STIL: variants seen among roughly 807,000 people sequenced by gnomAD.
STIL encodes SCL-interrupting locus protein.
Under a neutral mutation model 110.1 loss-of-function variants are expected in STIL, and 55 were observed. That is an observed-to-expected ratio of 0.50 (90% CI 0.40 to 0.63). The LOEUF is 0.63. Among genes scored for constraint, STIL ranks in the 20% least tolerant of loss-of-function variants. The pLI is 0.00. For missense variants in STIL, 1,358 were observed against 1,530.0 expected (o/e 0.89, Z 1.87); for synonymous variants, 481 against 530.0 (o/e 0.91, Z 1.27).
rs965742432 is a variant in STIL at position 47,299,886 on chromosome 1, T to G, written c.701+19A>C. Reference sequence around the variant, plus strand: ...ATACTAATGCAACTAACATTTAGATTAATGTATCTTTTACTTACCCATATT... The same window carrying G: ...ATACTAATGCAACTAACATTTAGATGAATGTATCTTTTACTTACCCATATT... On this transcript the variant is annotated intron_variant, in intron 6 of 16. Coordinates refer to ENST00000371877, the MANE Select transcript of STIL (RefSeq NM_001048166.1). 6.2e-7 allele frequency: 1 copy of G among 1,605,936 alleles called. No individual in the cohort carries two copies. The highest frequency in any genetic ancestry group is 1.3e-5 in the African/African-American group (1 of 74,872).
At chr1:47,262,834 A>G (rs1644524210) in intron 15 of STIL, 69 bp downstream of exon 15, 2 of 1,453,400 alleles carry the variant, frequency 1.4e-6, no homozygotes, top group African/African-American at 1.4e-5. Flanking sequence ...AAACCTAGGA[A>G]AAGCTTAACT....
intron 8 of STIL, among the ~76,000 whole-genome samples, chr1:47,291,088 A>C (rs1283656018): frequency 6.6e-6 from 1 of 152,162 alleles, no homozygotes; most frequent in Non-Finnish European, 1.5e-5. Flanking sequence ...GGCCGGGTGC[A>C]GTGGCTCACG....
rs745550998 is a variant in STIL, at chr1:47,280,888, G to A, written c.1570C>T (p.Pro524Ser). The A allele has an allele frequency of 6.2e-7, 1 of 1,614,180 alleles. No homozygotes were observed. The highest frequency in any genetic ancestry group is 8.5e-7 in the Non-Finnish European group (1 of 1,180,030). ...GNPHTRNSIK[P>S]SSHNGPSHDI... is the part of the protein sequence containing the mutation. ...TGAGATGGCCCATTATGAGAAGATG[G>A]TTTAATACTGTTCCTGGTATGGGGG... The change falls in exon 12 of 17, where the codon CCA becomes TCA. Residue 524 changes from proline (P) to serine (S), a missense_variant. By Grantham distance (74) the Pro-to-Ser change is moderately conservative. Transcript: ENST00000371877.
chr1:47,273,052 T>C (rs1204195083), intron 12 of STIL, among the ~76,000 whole-genome samples: 1 of 152,172 alleles, frequency 6.6e-6, no homozygotes, highest in Non-Finnish European at 1.5e-5. Flanking sequence ...AGCAATCCTC[T>C]GAAGACTATA....
At position 47,280,439 on chromosome 1, in the gene STIL, A is replaced by C; in HGVS notation, c.2019T>G (p.Ser673Arg). The change falls in exon 12 of 17, where the codon AGT becomes AGG. Residue 673 changes from serine (S) to arginine (R), a missense_variant. Transcript: ENST00000371877. The part of the protein sequence containing the change: ...IALRPQGDMG[S>R]CSPHSNIEPS... ...GTTCAATATTGCTGTGGGGAGAACA[A>C]CTGCCCATATCTCCCTGAGGTCTCA... 1 of 1,614,268 alleles carries C rather than the reference A, an allele frequency of 6.2e-7. No homozygotes were observed.
At chr1:47,287,981 C>T (rs888352508) in intron 9 of STIL, among the ~76,000 whole-genome samples, 3 of 148,788 alleles carry the variant, frequency 2.0e-5, no homozygotes, top group Admixed American at 6.7e-5. Context: ...TTATAGCTTA[C>T]ATAACCTATA....
chr1:47,303,845 A>G (rs1032248534), intron 3 of STIL, among the ~76,000 whole-genome samples: 1 of 152,154 alleles, frequency 6.6e-6, no homozygotes, highest in Non-Finnish European at 1.5e-5. Context: ...ATCATCAAAT[A>G]CTACAAATTA....
In STIL at chr1:47,289,397, A is replaced by G. The variant is rs989445516; in HGVS notation, c.1023+38T>C. On this transcript the variant is annotated intron_variant, in intron 9 of 16. Transcript: ENST00000371877. ...TTAAACTGCCAAAGTGCAAAACCCT[A>G]AACAGTCACTAATGTACTAGACAAT... is the stretch of plus-strand genomic sequence containing the variant. 5 of 1,600,092 alleles carry G rather than the reference A, an allele frequency of 3.1e-6. No homozygotes were observed. In the African/African-American group the frequency reaches 6.7e-5, roughly 21 times the overall value.
chr1:47,254,180 CAAAAAAAAAAAAAA>C (rs59259774), intron 16 of STIL, among the ~76,000 whole-genome samples: 2 of 61,408 alleles, frequency 3.3e-5, no homozygotes, highest in Non-Finnish European at 5.8e-5. Flanking sequence ...GACTCTGTCT[CAAAAAAAAAAAAAA>C]AAAAAAAAAA....
At chr1:47,278,681 A>G (rs1236257310) in intron 12 of STIL, among the ~76,000 whole-genome samples, 1 of 152,138 alleles carries the variant, frequency 6.6e-6, no homozygotes, top group Non-Finnish European at 1.5e-5. Flanking sequence ...TATATTTTAC[A>G]TTATGTGGGA....
At position 47,310,328 on chromosome 1, in the gene STIL, G is replaced by T; in HGVS notation, c.-9C>A. The T allele has an allele frequency of 6.2e-7, 1 of 1,612,210 alleles. No individual in the cohort carries two copies. On this transcript the variant is annotated 5_prime_UTR_variant, in exon 2 of 17. Coordinates refer to ENST00000371877, the MANE Select transcript of STIL (RefSeq NM_001048166.1). Reference sequence around the variant, plus strand: ...GGATATATAGGCTCCATGATGTCTGGTGAATGATTTCTTTAATTCCAAATC... The same window carrying T: ...GGATATATAGGCTCCATGATGTCTGTTGAATGATTTCTTTAATTCCAAATC...
chr1:47,293,457 C>G lies in STIL; in HGVS notation c.872+1G>C. 1 of 1,610,738 alleles carries G rather than the reference C, an allele frequency of 6.2e-7. No homozygotes were observed. Among genetic ancestry groups the G allele is most frequent in the Non-Finnish European group, 8.5e-7 (1 of 1,177,318 alleles). On this transcript the variant is annotated splice_donor_variant, in intron 8 of 16. Transcript: ENST00000371877. LOFTEE classifies it high-confidence loss of function. ...GTACTACAGAATAAAATATCACTTGCCTTTCTTGAACAGAAGAATTGAATA... is the reference window on the plus strand; with the variant it reads ...GTACTACAGAATAAAATATCACTTGGCTTTCTTGAACAGAAGAATTGAATA...
chr1:47,278,515 A>G (rs1483671801), intron 12 of STIL, among the ~76,000 whole-genome samples: 2 of 152,158 alleles, frequency 1.3e-5, no homozygotes, highest in African/African-American at 4.8e-5. Context: ...ATTCCAAGTA[A>G]CTAAGATTTC....
At position 47,272,158 on chromosome 1, in the gene STIL, T is replaced by A; in HGVS notation, c.2301A>T (p.Arg767Ser). The A allele has an allele frequency of 6.2e-7, 1 of 1,614,184 alleles. No individual in the cohort carries two copies. Among genetic ancestry groups the A allele is most frequent in the Non-Finnish European group, 8.5e-7 (1 of 1,180,022 alleles). Residue 767 changes from arginine (R) to serine (S), a missense_variant, in exon 13 of 17, where the codon AGA (arginine) becomes AGT (serine). Arg to Ser is a moderately radical substitution (Grantham distance 110, BLOSUM62 -1). Coordinates refer to ENST00000371877, the MANE Select transcript of STIL (RefSeq NM_001048166.1). ...CTTCCACAGAAACCAACTCCATTTG[T>A]CTTCCAGCTTGCACTGTGTCTTCAA... Reference protein sequence around the residue: ...TAVEDTVQAGRQMELVSVEAQ... With the variant: ...TAVEDTVQAGSQMELVSVEAQ...
At chr1:47,291,368 A>G (rs1246453251) in intron 8 of STIL, among the ~76,000 whole-genome samples, 2 of 152,004 alleles carry the variant, frequency 1.3e-5, no homozygotes, top group African/African-American at 4.8e-5. Flanking sequence ...CTCAAAAAAA[A>G]TAAGTAAAAT....
rs1240263164 is a variant in STIL at position 47,282,459 on chromosome 1, C to T, written c.1134G>A (p.Arg378=). Reference sequence around the variant, plus strand: ...TCCCAGAAGATAACTTTTGGGAAGACCTAAAGAATAGAAGGGGAGACCAGA... The same window carrying T: ...TCCCAGAAGATAACTTTTGGGAAGATCTAAAGAATAGAAGGGGAGACCAGA... ...SKASKNFSIK[R]SSQKLSSGKM... is the part of the protein sequence containing the mutation. The change falls in exon 11 of 17, where the codon AGG becomes AGA. Residue 378 remains arginine (R), a splice_region_variant and synonymous_variant. Coordinates refer to ENST00000371877, the MANE Select transcript of STIL (RefSeq NM_001048166.1). 1 of 1,594,072 alleles carries T rather than the reference C, an allele frequency of 6.3e-7. No homozygotes were observed. The highest frequency in any genetic ancestry group is 1.3e-5 in the African/African-American group (1 of 74,482).
At chr1:47,265,348 A>G (rs1644617526) in intron 14 of STIL, among the ~76,000 whole-genome samples, 1 of 151,974 alleles carries the variant, frequency 6.6e-6, no homozygotes, top group South Asian at 2.1e-4. Flanking sequence ...TAAGGAGAAT[A>G]AATAAAGATC....
intron 10 of STIL, chr1:47,283,990 C>T (rs1645222305): frequency 6.6e-6 from 1 of 152,124 alleles, no homozygotes; most frequent in African/African-American, 2.4e-5. Context: ...CCTCCGCCTC[C>T]AAGGTTCAAG....
intron 8 of STIL, among the ~76,000 whole-genome samples, chr1:47,290,715 A>G (rs1161902136): frequency 6.6e-6 from 1 of 152,080 alleles, no homozygotes; most frequent in Non-Finnish European, 1.5e-5. Context: ...AAAAAAAAAA[A>G]AAGAAAAGAT....
Sources: allele counts gnomAD v4.1 joint callset (sites outside exome capture counted in the v4.1 genomes callset), GRCh38; gene constraint gnomAD v4.1.1; transcripts MANE v1.5; gene names NCBI Gene and HGNC (gene_info 2026-07-23, HGNC 2026-07-21).